The following ESRRG variants were observed in gnomAD, a reference collection of about 807,000 sequenced individuals.
ESRRG encodes the protein estrogen related receptor gamma, also known as estrogen-related receptor gamma.
In ESRRG, 13 loss-of-function variants were observed where a neutral mutation model predicts 44.0. The ratio of observed to expected loss-of-function variants is 0.30; its 90% CI spans 0.19 to 0.47. ESRRG has a LOEUF of 0.47. Ranked by LOEUF, ESRRG falls within the 20% of genes least tolerant of loss-of-function variation. The pLI is 1.00. For synonymous variants in ESRRG, 215 were observed against 214.6 expected, an observed-to-expected ratio of 1.00 and a Z score of -0.02; for missense variants, 395 against 580.6, an observed-to-expected ratio of 0.68 and a Z score of 3.29.
chr1:216,829,606 A>G (rs889740169), intron 2 of ESRRG, among the ~76,000 whole-genome samples: 8 of 149,898 alleles, frequency 5.3e-5, no homozygotes, highest in African/African-American at 2.0e-4. Context: ...CCAGGCTGGA[A>G]TGCAGTGGCG....
At position 217,026,888 on chromosome 1, in the gene ESRRG, TACAC is replaced by T. The variant is rs71163785; in HGVS notation, c.-106+62615_-106+62618del. Among the ~76,000 whole-genome samples the T allele has an allele frequency of 2.5e-3, 264 of 105,324 alleles. 2 individuals carry two copies. Among genetic ancestry groups the T allele is most frequent in the African/African-American group, 5.4e-3 (146 of 27,276 alleles). 69.1% of individuals were successfully genotyped at this position (105,324 alleles called of 152,430 possible). A position where few individuals can be genotyped will look rare whatever the true frequency, so the allele number is the denominator to read the frequency against. ...GACCACACACATATACACACACACA[TACAC>T]ACACACACACACACACACACAGAGA... On this transcript the variant is annotated intron_variant, in intron 1 of 7. Transcript: ENST00000359162.
At chr1:216,591,144 A>C (rs1558685143) in intron 3 of ESRRG, among the ~76,000 whole-genome samples, 1 of 152,222 alleles carries the variant, frequency 6.6e-6, no homozygotes, top group Admixed American at 6.5e-5. Context: ...AGAAATACCA[A>C]GTCTTGATTA....
At chr1:216,774,223 C>G (rs907705760) in intron 2 of ESRRG, among the ~76,000 whole-genome samples, 1 of 152,084 alleles carries the variant, frequency 6.6e-6, no homozygotes, top group African/African-American at 2.4e-5. Context: ...ATTTTGGTAG[C>G]TCTCCCTGCC....
chr1:216,796,849 C>G (rs1384107074), intron 2 of ESRRG, among the ~76,000 whole-genome samples: 1 of 152,074 alleles, frequency 6.6e-6, no homozygotes, highest in Admixed American at 6.6e-5. Context: ...ATGTCAGCAT[C>G]ACTTTTTTAA....
intron 2 of ESRRG, among the ~76,000 whole-genome samples, chr1:216,652,250 G>C (rs770596925): frequency 7.2e-5 from 11 of 152,136 alleles, no homozygotes; most frequent in Non-Finnish European, 1.2e-4. Context: ...GCAGATTCTA[G>C]TAATTAGCAT....
chr1:216,518,725 C>T (rs546098798), intron 6 of ESRRG, among the ~76,000 whole-genome samples: 1 of 152,266 alleles, frequency 6.6e-6, no homozygotes, highest in African/African-American at 2.4e-5. Context: ...ATAACCAAAA[C>T]TCAAAGCAAC....
rs547446313 is a variant in ESRRG, at chr1:216,513,130, G to A, written c.1133-5947C>T. ...CATCAAGTTATGGTCATTTGTCAAT[G>A]TAGCATAAGAAACTCATATACTCGT... On this transcript the variant is annotated intron_variant, in intron 6 of 6. Coordinates refer to ENST00000408911, the MANE Select transcript of ESRRG (RefSeq NM_001438.4). Among the ~76,000 whole-genome samples, 4 of 152,306 alleles carry A rather than the reference G, an allele frequency of 2.6e-5. No homozygotes were observed. The South Asian group carries it at 8.3e-4, about 32-fold the overall frequency.
In ESRRG at chr1:217,047,932, G is replaced by A. The variant is rs1028181168; in HGVS notation, c.-106+41575C>T. ...GAAGTAGCCCACATTTCCAGACCAC[G>A]GTATCGGGGAAGAAGAAGAAGATGG... On this transcript the variant is annotated intron_variant, in intron 1 of 7. Coordinates refer to the ESRRG transcript ENST00000359162. 3.9e-5 allele frequency among the ~76,000 whole-genome samples: 6 copies of A among 152,302 alleles called. No individual in the cohort carries two copies. In the Middle Eastern group the frequency reaches 0.01, roughly 259 times the overall value.
intron 2 of ESRRG, among the ~76,000 whole-genome samples, chr1:216,755,946 C>T (rs955265901): frequency 3.9e-5 from 6 of 151,924 alleles, no homozygotes; most frequent in Non-Finnish European, 7.4e-5. Flanking sequence ...CTGACCCTGG[C>T]CCCCCTGCAC....
chr1:217,097,188 A>C (rs1203165362), intron 1 of ESRRG, among the ~76,000 whole-genome samples: 1 of 152,216 alleles, frequency 6.6e-6, no homozygotes. Context: ...AGTTCTTTAC[A>C]CTTTCACAGA....
chr1:216,715,276 A>G lies in ESRRG; in HGVS notation c.56+7968T>C, dbSNP rs929898420. 6 of 980,340 alleles carry G rather than the reference A, an allele frequency of 6.1e-6. No individual in the cohort carries two copies. The African/African-American group carries it at 1.1e-4, about 17-fold the overall frequency. 60.7% of individuals were successfully genotyped at this position (980,340 alleles called of 1,614,324 possible). A position where few individuals can be genotyped will look rare whatever the true frequency, so the allele number is the denominator to read the frequency against. On this transcript the variant is annotated intron_variant, in intron 1 of 6. Transcript: ENST00000408911. ...TATGGATAAAAGGGATGTTTCCGTC[A>G]TTTCATAGGACCCAGCACCAACTGT...
intron 1 of ESRRG, among the ~76,000 whole-genome samples, chr1:216,685,339 G>A (rs911155822): frequency 1.3e-5 from 2 of 152,158 alleles, no homozygotes; most frequent in Non-Finnish European, 2.9e-5. Flanking sequence ...GGTTTACTAT[G>A]CCATGAGCAG....
At chr1:216,740,907 C>T (rs11572656) in intron 2 of ESRRG, among the ~76,000 whole-genome samples, 104,981 of 150,992 alleles carry the variant, frequency 0.7, 37,457 homozygotes, top group East Asian at 0.84. Flanking sequence ...ATTATATATA[C>T]ATATTGACAT....
chr1:216,869,864 T>A (rs2096235277), intron 2 of ESRRG, among the ~76,000 whole-genome samples: 1 of 152,030 alleles, frequency 6.6e-6, no homozygotes, highest in African/African-American at 2.4e-5. Context: ...TGCTAGTATA[T>A]AGAAATGCAA....
chr1:217,028,757 C>T (rs1026200802), intron 1 of ESRRG, among the ~76,000 whole-genome samples: 6 of 152,226 alleles, frequency 3.9e-5, no homozygotes, highest in Non-Finnish European at 8.8e-5. Flanking sequence ...TGCCTAATTA[C>T]ATGGGCATCT....
intron 1 of ESRRG, among the ~76,000 whole-genome samples, chr1:216,689,246 A>C (rs2078610285): frequency 6.6e-6 from 1 of 152,178 alleles, no homozygotes; most frequent in African/African-American, 2.4e-5. Flanking sequence ...GGCATCCATT[A>C]CAAAATGCAA....
chr1:216,569,896 T>A (rs970144510), intron 3 of ESRRG, among the ~76,000 whole-genome samples: 2 of 152,180 alleles, frequency 1.3e-5, no homozygotes, highest in Admixed American at 1.3e-4. Context: ...GCACATGCAG[T>A]GTTTTGCAAA....
At chr1:217,037,463 T>G (rs1173804663) in intron 1 of ESRRG, among the ~76,000 whole-genome samples, 1 of 152,102 alleles carries the variant, frequency 6.6e-6, no homozygotes, top group Admixed American at 6.5e-5. Context: ...TCAGATCACA[T>G]GAGACCCACT....
At chr1:216,607,029 G>C (rs1206567877) in intron 3 of ESRRG, among the ~76,000 whole-genome samples, 1 of 152,170 alleles carries the variant, frequency 6.6e-6, no homozygotes, top group African/African-American at 2.4e-5. Flanking sequence ...GCTGTTCACA[G>C]GGAACCCTCT....
Sources: gnomAD v4.1 joint callset for allele counts (sites outside exome capture counted in the v4.1 genomes callset) on GRCh38, gnomAD v4.1.1 for gene constraint, MANE v1.5 for transcripts, NCBI Gene and HGNC (gene_info 2026-07-23, HGNC 2026-07-21) for gene names.